B3GALT5: variants seen among roughly 807,000 people sequenced by gnomAD.
B3GALT5 encodes the protein UDP-Gal:betaGlcNAc beta 1,3-galactosyltransferase, polypeptide 5.
For missense variants in B3GALT5, 328 were observed against 396.6 expected, an observed-to-expected ratio of 0.83 and a Z score of 1.47; for synonymous variants, 156 against 158.6, an observed-to-expected ratio of 0.98 and a Z score of 0.12.
chr21:39,623,053 TTTC>T (rs1374851654), intron 1 of B3GALT5, among the ~76,000 whole-genome samples: 2 of 151,982 alleles, frequency 1.3e-5, no homozygotes, highest in Admixed American at 1.3e-4. Flanking sequence ...TAAATTTTCT[TTTC>T]TTTTCTTTTC....
intron 1 of B3GALT5, among the ~76,000 whole-genome samples, chr21:39,614,620 A>G (rs952320404): frequency 6.6e-6 from 1 of 152,212 alleles, no homozygotes; most frequent in Non-Finnish European, 1.5e-5. Flanking sequence ...AAACTTCTCC[A>G]CACGGATGGT....
chr21:39,652,789 A>G (rs1344549307), intron 2 of B3GALT5, among the ~76,000 whole-genome samples: 1 of 152,210 alleles, frequency 6.6e-6, no homozygotes, highest in African/African-American at 2.4e-5. Flanking sequence ...GAGCTGACAA[A>G]AAAAGCAAAC....
chr21:39,658,011 A>T, intron 2 of B3GALT5: 1 of 925,962 alleles, frequency 1.1e-6, no homozygotes, highest in Non-Finnish European at 1.4e-6. Flanking sequence ...GGATCTGGGG[A>T]CACAGGCTGC....
At chr21:39,645,058 C>T (rs868400386) in intron 1 of B3GALT5, among the ~76,000 whole-genome samples, 1 of 152,162 alleles carries the variant, frequency 6.6e-6, no homozygotes, top group East Asian at 1.9e-4. Flanking sequence ...CAGGCATGAC[C>T]TGGTTAGCAA....
chr21:39,659,008 A>G (rs1306283473), intron 2 of B3GALT5, among the ~76,000 whole-genome samples: 1 of 152,244 alleles, frequency 6.6e-6, no homozygotes, highest in Non-Finnish European at 1.5e-5. Flanking sequence ...TTGGGAGGCC[A>G]AGGCAGGGGA....
At position 39,639,434 on chromosome 21, in the gene B3GALT5, T is replaced by C. The variant is rs1446617450; in HGVS notation, c.-391-6958T>C. Among the ~76,000 whole-genome samples the C allele has an allele frequency of 2.6e-3, 288 of 108,690 alleles. 2 individuals carry two copies. The highest frequency in any genetic ancestry group is 7.8e-3 in the Middle Eastern group (2 of 258). 71.3% of individuals were successfully genotyped at this position (108,690 alleles called of 152,430 possible). A position where few individuals can be genotyped will look rare whatever the true frequency, so the allele number is the denominator to read the frequency against. ...TTTCTTTCTTTCTTTCTTTCTTTCT[T>C]TCTTTCTTTCTTTCTTTCTTTTTTT... On this transcript the variant is annotated intron_variant, in intron 1 of 3. Coordinates refer to ENST00000684187, the MANE Select transcript of B3GALT5 (RefSeq NM_001356336.2).
intron 2 of B3GALT5, among the ~76,000 whole-genome samples, chr21:39,654,878 A>T (rs571718409): frequency 6.6e-6 from 1 of 152,230 alleles, no homozygotes; most frequent in African/African-American, 2.4e-5. Context: ...GCATAATGCT[A>T]TTATGCATTT....
chr21:39,660,435 C>A, intron 3 of B3GALT5, 125 bp from the exon 4 acceptor site: 1 of 740,692 alleles, frequency 1.4e-6, no homozygotes, highest in Non-Finnish European at 2.0e-6. Flanking sequence ...CACCCGACTT[C>A]TGTATGCAGC....
chr21:39,633,936 C>G (rs979321018), intron 1 of B3GALT5, among the ~76,000 whole-genome samples: 1 of 152,150 alleles, frequency 6.6e-6, no homozygotes. Flanking sequence ...TGATGGAGCT[C>G]TAAGCATTGG....
In B3GALT5 at chr21:39,672,900, T is replaced by C. The variant is rs1261282612; in HGVS notation, c.*11408T>C. On this transcript the variant is annotated 3_prime_UTR_variant, in exon 4 of 4. Transcript: ENST00000684187. The stretch of plus-strand genomic sequence containing the variant: ...TCTTAATGGGGTGGGGCAGTGTCCA[T>C]TGAGGTGTCCTGTCGGGAATGACAA... 1.3e-5 allele frequency: 2 copies of C among 152,080 alleles called. No homozygotes were observed. The highest frequency in any genetic ancestry group is 6.6e-5 in the Admixed American group (1 of 15,258). 9.4% of individuals were successfully genotyped at this position (152,080 alleles called of 1,614,324 possible). A position where few individuals can be genotyped will look rare whatever the true frequency, so the allele number is the denominator to read the frequency against.
rs550098983 is a variant in B3GALT5 at position 39,624,830 on chromosome 21, A to G, written c.-392+11763A>G. 1.1e-3 allele frequency among the ~76,000 whole-genome samples: 169 copies of G among 151,728 alleles called. 1 individual carries two copies. The highest frequency in any genetic ancestry group is 2.3e-3 in the Non-Finnish European group (158 of 67,892). ...TAAAAAAAAAAAGTGCAAAAATAAA[A>G]TCACCTCGTCCAAGGCGATAGTTTT... On this transcript the variant is annotated intron_variant, in intron 1 of 3. Coordinates refer to ENST00000684187, the MANE Select transcript of B3GALT5 (RefSeq NM_001356336.2).
chr21:39,647,350 G>GT (rs2079350399), intron 2 of B3GALT5, among the ~76,000 whole-genome samples: 1 of 152,218 alleles, frequency 6.6e-6, no homozygotes, highest in Admixed American at 6.5e-5. Context: ...TCCATTGCCT[G>GT]TGGTTTAGGG....
intron 1 of B3GALT5, among the ~76,000 whole-genome samples, chr21:39,615,253 C>G (rs2079101402): frequency 6.6e-6 from 1 of 152,162 alleles, no homozygotes; most frequent in Non-Finnish European, 1.5e-5. Flanking sequence ...CTGACCTCTT[C>G]CGAGTTTTGA....
rs573732168 is a variant in B3GALT5, at chr21:39,671,869, A to G, written c.*10377A>G. On this transcript the variant is annotated 3_prime_UTR_variant, in exon 4 of 4. Coordinates refer to ENST00000684187, the MANE Select transcript of B3GALT5 (RefSeq NM_001356336.2). The stretch of plus-strand genomic sequence containing the variant: ...CCTCTTGCTCTCAGATTGGCCTTGA[A>G]GCTGAAGGGAACCTGTCCACCCTCT... 6.6e-6 allele frequency: 1 copy of G among 152,336 alleles called. No homozygotes were observed. The highest frequency in any genetic ancestry group is 2.1e-4 in the South Asian group (1 of 4,826). The allele number at this position is 152,336 out of a possible 1,614,324, so 9.4% of individuals were successfully genotyped here.
chr21:39,620,899 C>A (rs908359621), intron 1 of B3GALT5, among the ~76,000 whole-genome samples: 1 of 152,158 alleles, frequency 6.6e-6, no homozygotes, highest in African/African-American at 2.4e-5. Context: ...TTAGTTTCTT[C>A]TCTTTTATTT....
At chr21:39,653,996 T>C (rs1056907258) in intron 2 of B3GALT5, among the ~76,000 whole-genome samples, 10 of 152,226 alleles carry the variant, frequency 6.6e-5, no homozygotes, top group Admixed American at 6.5e-4. Flanking sequence ...ATTGATACAA[T>C]AATTTTTTGC....
chr21:39,640,025 G>A (rs750356229), intron 1 of B3GALT5, among the ~76,000 whole-genome samples: 4 of 150,734 alleles, frequency 2.7e-5, no homozygotes, highest in Admixed American at 6.6e-5. Flanking sequence ...AGCCTCTGGC[G>A]TGGACAAGGA....
chr21:39,631,303 T>G (rs1432102186), intron 1 of B3GALT5, among the ~76,000 whole-genome samples: 1 of 152,208 alleles, frequency 6.6e-6, no homozygotes. Context: ...TCCAGGTTTC[T>G]GCTGGTTAAT....
chr21:39,630,096 A>T (rs898102119), intron 1 of B3GALT5, among the ~76,000 whole-genome samples: 23 of 152,220 alleles, frequency 1.5e-4, no homozygotes, highest in Non-Finnish European at 2.5e-4. Context: ...CGTATTCTCT[A>T]ACAACCAACA....
Sources: gnomAD v4.1 joint callset for allele counts (sites outside exome capture counted in the v4.1 genomes callset) on GRCh38, gnomAD v4.1.1 for gene constraint, MANE v1.5 for transcripts, NCBI Gene and HGNC (gene_info 2026-07-23, HGNC 2026-07-21) for gene names.